Variants in CFAP47 observed in about 807,000 individuals in gnomAD.
CFAP47 encodes cilia and flagella associated protein 47, also known as cilia- and flagella-associated protein 47.
Under a neutral mutation model 148.1 loss-of-function variants are expected in CFAP47, and 29 were observed. The observed-to-expected ratio is 0.20, with a 90% confidence interval of 0.15 to 0.27. The LOEUF (loss-of-function observed/expected upper bound fraction) is 0.27, where lower values mean the gene tolerates loss of function less well. Ranked by LOEUF, CFAP47 falls within the 10% of genes least tolerant of loss-of-function variation. CFAP47 has a pLI of 1.00. For missense variants in CFAP47, 1,872 were observed against 1,697.5 expected (o/e 1.10, Z -1.81); for synonymous variants, 664 against 577.3 (o/e 1.15, Z -2.15).
intron 33 of CFAP47, among the ~76,000 whole-genome samples, chrX:36,133,901 A>G (rs1390404512): frequency 1.8e-5 from 2 of 110,280 alleles, no homozygotes; most frequent in African/African-American, 3.3e-5. Flanking sequence ...TTTCTGTCAA[A>G]TAGAAAATCC....
chrX:36,037,320 A>G (rs1353957435), intron 24 of CFAP47, among the ~76,000 whole-genome samples: 6 of 108,392 alleles, frequency 5.5e-5, no homozygotes, highest in Non-Finnish European at 1.1e-4. Context: ...TTCTTTTATT[A>G]GGCTCCCAAC....
At chrX:35,998,693 G>A (rs12389891) in intron 19 of CFAP47, among the ~76,000 whole-genome samples, 27,852 of 110,407 alleles carry the variant, frequency 0.25, 4,818 homozygotes, top group African/African-American at 0.61. Context: ...TCTTTATTCA[G>A]TGGTGAAGGC....
chrX:36,371,671 C>T (rs781837308), intron 62 of CFAP47, among the ~76,000 whole-genome samples: 12 of 69,190 alleles, frequency 1.7e-4, no homozygotes, highest in South Asian at 7.7e-4. Flanking sequence ...TATATACACA[C>T]ATGTGTATAT....
At chrX:36,071,495 G>A (rs997728382) in intron 27 of CFAP47, among the ~76,000 whole-genome samples, 20 of 112,184 alleles carry the variant, frequency 1.8e-4, no homozygotes, top group African/African-American at 6.2e-4. Context: ...TTATTTGGAT[G>A]TAGAAACATT....
intron 29 of CFAP47, among the ~76,000 whole-genome samples, chrX:36,079,505 G>A (rs1237063863): frequency 9.0e-6 from 1 of 111,410 alleles, no homozygotes. Flanking sequence ...CGTAGTTCTA[G>A]TGCCATGGTT....
At chrX:36,193,317 T>C (rs782724066) in intron 42 of CFAP47, among the ~76,000 whole-genome samples, 1 of 112,421 alleles carries the variant, frequency 8.9e-6, no homozygotes, top group East Asian at 2.8e-4. Context: ...AACTATATTA[T>C]GCTAAAATCT....
intron 39 of CFAP47, among the ~76,000 whole-genome samples, chrX:36,178,550 T>A (rs1406803258): frequency 9.0e-6 from 1 of 111,307 alleles, no homozygotes; most frequent in Non-Finnish European, 1.9e-5. Context: ...AAAGCTAGCA[T>A]TTTGGGATCT....
At chrX:36,203,655 A>G (rs1341775131) in intron 44 of CFAP47, among the ~76,000 whole-genome samples, 1 of 112,387 alleles carries the variant, frequency 8.9e-6, no homozygotes, top group East Asian at 2.8e-4. Flanking sequence ...CATCTTATGC[A>G]TGATATGAGC....
Position 36,137,965 on chromosome X carries a change from C to T in CFAP47, c.5328C>T (p.Ile1776=), listed in dbSNP as rs1414813902. 4 of 711,943 alleles carry T rather than the reference C, an allele frequency of 5.6e-6. No individual in the cohort carries two copies. The highest frequency in any genetic ancestry group is 8.8e-6 in the Non-Finnish European group (4 of 453,068). The allele number at this position is 711,943 out of a possible 1,213,427, so 58.7% of individuals were successfully genotyped here. The change falls in exon 34 of 64, where the codon ATC becomes ATT. Residue 1776 remains isoleucine, a synonymous_variant. Transcript: ENST00000378653. Reference sequence around the variant, plus strand: ...CCCTCTTTTTTGAAACAGATGTTATCCCTTCTGAGAGATGGATAGTAAATT... The same window carrying T: ...CCCTCTTTTTTGAAACAGATGTTATTCCTTCTGAGAGATGGATAGTAAATT... ...VIWKNCHKDV[I]PSERWIVNFD... is the part of the protein sequence containing the mutation.
At chrX:36,058,274 T>G (rs926759183) in intron 26 of CFAP47, among the ~76,000 whole-genome samples, 1 of 111,831 alleles carries the variant, frequency 8.9e-6, no homozygotes, top group Admixed American at 9.6e-5. Context: ...AACATTACTA[T>G]AAATTCAGAT....
intron 46 of CFAP47, among the ~76,000 whole-genome samples, chrX:36,231,429 A>T (rs1407300111): frequency 3.7e-5 from 4 of 108,577 alleles, no homozygotes; most frequent in African/African-American, 1.4e-4. Context: ...TTATTGGTGT[A>T]TAAGAATGCT....
chrX:36,248,719 C>T (rs1940654607), intron 48 of CFAP47, among the ~76,000 whole-genome samples: 1 of 110,183 alleles, frequency 9.1e-6, no homozygotes, highest in Admixed American at 9.8e-5. Flanking sequence ...CATGTAATAA[C>T]AGCAGAATAA....
intron 46 of CFAP47, among the ~76,000 whole-genome samples, chrX:36,234,077 C>A (rs1218407590): frequency 2.7e-5 from 3 of 109,192 alleles, no homozygotes; most frequent in African/African-American, 3.3e-5. Context: ...TTTGGTGAAT[C>A]TGACAATTAT....
intron 48 of CFAP47, 35 bp from the exon 49 acceptor site, chrX:36,251,297 AC>A: frequency 4.4e-6 from 2 of 453,920 alleles, no homozygotes; most frequent in Non-Finnish European, 7.7e-6. Context: ...TTATGTTGAT[AC>A]TACATAATTC....
At chrX:35,944,225 T>C (rs186466009) in intron 3 of CFAP47, among the ~76,000 whole-genome samples, 11 of 111,396 alleles carry the variant, frequency 9.9e-5, no homozygotes, top group African/African-American at 2.6e-4. Flanking sequence ...GGATCTTCCT[T>C]AGTAACTCAC....
chrX:36,229,399 A>G (rs1236392373), intron 46 of CFAP47, among the ~76,000 whole-genome samples: 5 of 111,519 alleles, frequency 4.5e-5, no homozygotes, highest in African/African-American at 1.6e-4. Context: ...ACCAGGTAGA[A>G]TGACAATTAT....
chrX:36,184,670 A>G (rs782704477), intron 40 of CFAP47, among the ~76,000 whole-genome samples: 2 of 112,434 alleles, frequency 1.8e-5, no homozygotes, highest in Admixed American at 1.9e-4. Flanking sequence ...GCAGTGGCTC[A>G]TGCCTGTAAT....
chrX:36,349,971 T>C, intron 58 of CFAP47, 67 bp from the exon 59 acceptor site: 2 of 659,364 alleles, frequency 3.0e-6, no homozygotes, highest in South Asian at 3.3e-5. Flanking sequence ...AGTTAATAAA[T>C]AATAAGCTTT....
intron 33 of CFAP47, among the ~76,000 whole-genome samples, chrX:36,107,342 T>C (rs1232227188): frequency 8.9e-6 from 1 of 112,168 alleles, no homozygotes; most frequent in Admixed American, 9.5e-5. Flanking sequence ...TGATCTAAAT[T>C]TCAAGTCTTT....
Sources: allele counts gnomAD v4.1 joint callset (sites outside exome capture counted in the v4.1 genomes callset), GRCh38; gene constraint gnomAD v4.1.1; transcripts MANE v1.5; gene names NCBI Gene and HGNC (gene_info 2026-07-23, HGNC 2026-07-21).